The following TBC1D8 variants were observed in gnomAD, a reference collection of about 807,000 sequenced individuals.
TBC1D8 encodes the protein TBC1 domain family member 8.
TBC1D8 carries 65 observed loss-of-function variants against 118.8 expected under a neutral mutation model. The observed-to-expected ratio is 0.55, with a 90% confidence interval of 0.45 to 0.67. The LOEUF (loss-of-function observed/expected upper bound fraction) is 0.67. Among genes scored for constraint, TBC1D8 ranks in the 30% least tolerant of loss-of-function variants. The pLI, the probability that TBC1D8 is intolerant of heterozygous loss-of-function variation, is 0.00. For synonymous variants in TBC1D8, 566 were observed against 595.8 expected (o/e 0.95, Z 0.73); for missense variants, 1,376 against 1,471.2 (o/e 0.94, Z 1.06).
At chr2:101,035,228 GC>G (rs1680933428) in intron 9 of TBC1D8, among the ~76,000 whole-genome samples, 1 of 152,096 alleles carries the variant, frequency 6.6e-6, no homozygotes, top group Non-Finnish European at 1.5e-5. Context: ...CTCTCACCTG[GC>G]CTCCCACAGC....
intron 17 of TBC1D8, 75 bp downstream of exon 17, chr2:101,021,606 C>T: frequency 2.9e-6 from 3 of 1,042,296 alleles, no homozygotes; most frequent in Non-Finnish European, 2.9e-6. Context: ...AAGAGAAGAG[C>T]TTCAGAGTCA....
At chr2:101,099,076 C>T (rs1033909954) in intron 1 of TBC1D8, among the ~76,000 whole-genome samples, 7 of 151,162 alleles carry the variant, frequency 4.6e-5, no homozygotes, top group Non-Finnish European at 7.4e-5. Context: ...ATCTATGAAT[C>T]CAGAAGATGG....
chr2:101,038,771 T>C lies in TBC1D8; in HGVS notation c.1081-116A>G, dbSNP rs552844254. On this transcript the variant is annotated intron_variant, in intron 6 of 19. Transcript: ENST00000409318. ...AGGCACAATCACTGCAGAAAGGAGA[T>C]GATGCAATGGCGAGAAAGTGGCACT... The C allele has an allele frequency of 3.3e-5, 40 of 1,198,612 alleles. No homozygotes were observed. The South Asian group carries it at 5.2e-4, about 16-fold the overall frequency. 74.2% of individuals were successfully genotyped at this position (1,198,612 alleles called of 1,614,324 possible).
At chr2:101,015,068 G>A (rs956831177) in intron 17 of TBC1D8, among the ~76,000 whole-genome samples, 4 of 152,146 alleles carry the variant, frequency 2.6e-5, no homozygotes, top group Non-Finnish European at 4.4e-5. Context: ...GGACTTACAC[G>A]AACCTAGATG....
chr2:101,034,787 A>G (rs1680899126), intron 9 of TBC1D8, among the ~76,000 whole-genome samples: 1 of 152,188 alleles, frequency 6.6e-6, no homozygotes, highest in South Asian at 2.1e-4. Flanking sequence ...TCAACTATGA[A>G]TGTATGTTGT....
rs371419010 is a variant in TBC1D8 at position 101,118,540 on chromosome 2, CA to C, written c.128-28177del. ...TGAAACCCTGTCTCTACTAAAAATA[CA>C]AAAAAATTAGCCAGGCTTGGTGGCA... On this transcript the variant is annotated intron_variant, in intron 1 of 19. Transcript: ENST00000409318. Among the ~76,000 whole-genome samples the C allele has an allele frequency of 1.6e-3, 247 of 151,532 alleles. 1 individual carries two copies. The highest frequency in any genetic ancestry group is 5.3e-3 in the East Asian group (27 of 5,114).
At chr2:101,020,469 C>A (rs182833247) in intron 17 of TBC1D8, among the ~76,000 whole-genome samples, 1 of 152,158 alleles carries the variant, frequency 6.6e-6, no homozygotes, top group Non-Finnish European at 1.5e-5. Context: ...TGATGCTAAA[C>A]AATTTGCATT....
chr2:101,138,385 T>C (rs377712748), intron 1 of TBC1D8, among the ~76,000 whole-genome samples: 37 of 152,176 alleles, frequency 2.4e-4, no homozygotes, highest in African/African-American at 8.9e-4. Context: ...ATTCTCCAAC[T>C]CTCCAGATGC....
intron 1 of TBC1D8, among the ~76,000 whole-genome samples, chr2:101,129,777 C>T (rs970863057): frequency 2.0e-5 from 3 of 151,840 alleles, no homozygotes; most frequent in East Asian, 2.0e-4. Context: ...TGGCAGCAGG[C>T]GCCTGTAGTC....
At chr2:101,025,626 C>T (rs1573888921) in intron 15 of TBC1D8, among the ~76,000 whole-genome samples, 1 of 152,086 alleles carries the variant, frequency 6.6e-6, no homozygotes, top group East Asian at 1.9e-4. Context: ...AGCTTTGTGT[C>T]TTTCAATTAA....
intron 2 of TBC1D8, among the ~76,000 whole-genome samples, chr2:101,075,708 C>A (rs192251197): frequency 2.1e-4 from 32 of 152,280 alleles, no homozygotes; most frequent in Admixed American, 1.4e-3. Flanking sequence ...GCCTCCCCAG[C>A]CATGCTGAGC....
At position 101,033,584 on chromosome 2, in the gene TBC1D8, G is replaced by A. The variant is rs576274827; in HGVS notation, c.1778C>T (p.Thr593Met). 38 of 1,613,882 alleles carry A rather than the reference G, an allele frequency of 2.4e-5. No individual in the cohort carries two copies. The highest frequency in any genetic ancestry group is 3.3e-4 in the Middle Eastern group (2 of 6,062). The change falls in exon 10 of 20, where the codon ACG becomes ATG. Residue 593 changes from threonine (T) to methionine (M), a missense_variant. Transcript: ENST00000409318. ...TGIAALRRVL[T>M]AYAHRNPKIG... ...CTTGGGGTTCCGGTGGGCATAGGCC[G>A]TCAAGACTCTCCTCAAAGCAGCAAT...
At chr2:101,018,891 T>C (rs1196188328) in intron 17 of TBC1D8, 14 of 1,442,330 alleles carry the variant, frequency 9.7e-6, no homozygotes, top group African/African-American at 2.8e-5. Flanking sequence ...TATCCGTAGG[T>C]TTATCAATCT....
At chr2:101,097,911 T>C (rs1436465704) in intron 1 of TBC1D8, among the ~76,000 whole-genome samples, 1 of 152,208 alleles carries the variant, frequency 6.6e-6, no homozygotes, top group South Asian at 2.1e-4. Context: ...TGAAACAGTA[T>C]AGTATTGTTT....
At chr2:101,014,198 T>G (rs955567059) in intron 17 of TBC1D8, among the ~76,000 whole-genome samples, 57 of 145,824 alleles carry the variant, frequency 3.9e-4, no homozygotes, top group African/African-American at 1.4e-3. Context: ...TTCGCAAAAG[T>G]TTTTTTTTTT....
intron 1 of TBC1D8, among the ~76,000 whole-genome samples, chr2:101,105,605 A>AAAC: frequency 7.3e-6 from 1 of 137,722 alleles, no homozygotes; most frequent in Non-Finnish European, 1.6e-5. Flanking sequence ...AAAAAAAAAA[A>AAAC]AAACATATAT....
intron 6 of TBC1D8, among the ~76,000 whole-genome samples, chr2:101,038,955 C>A (rs1237219276): frequency 1.3e-5 from 2 of 152,202 alleles, no homozygotes; most frequent in Admixed American, 6.5e-5. Flanking sequence ...GGGCATTATG[C>A]TAAGTGAACA....
intron 6 of TBC1D8, 116 bp downstream of exon 6, chr2:101,040,062 A>G (rs1234180525): frequency 1.7e-5 from 20 of 1,207,578 alleles, no homozygotes; most frequent in Non-Finnish European, 2.1e-5. Context: ...ATCCATCTTT[A>G]GATGGCAAAA....
intron 1 of TBC1D8, among the ~76,000 whole-genome samples, chr2:101,133,439 C>A (rs562003891): frequency 6.6e-6 from 1 of 152,052 alleles, no homozygotes; most frequent in Non-Finnish European, 1.5e-5. Flanking sequence ...TAGTCCATTT[C>A]GGATGCTATA....
Sources: allele counts gnomAD v4.1 joint callset (sites outside exome capture counted in the v4.1 genomes callset), GRCh38; gene constraint gnomAD v4.1.1; transcripts MANE v1.5; gene names NCBI Gene and HGNC (gene_info 2026-07-23, HGNC 2026-07-21).